RBFOX1: variants seen among roughly 807,000 people sequenced by gnomAD.
The protein encoded by RBFOX1 is RNA binding fox-1 homolog 1.
Under a neutral mutation model 57.7 loss-of-function variants are expected in RBFOX1, and 8 were observed. The observed-to-expected ratio is 0.14, with a 90% CI of 0.08 to 0.25. The LOEUF (loss-of-function observed/expected upper bound fraction) is 0.25, where lower values mean the gene tolerates loss of function less well. Ranked by LOEUF, RBFOX1 falls within the 10% of genes least tolerant of loss-of-function variation. The probability of loss-of-function intolerance (pLI) is 1.00; values close to 1 mark genes in which losing one functional copy is unlikely to be tolerated. For synonymous variants in RBFOX1, 326 were observed against 222.4 expected (o/e 1.47, Z -4.15); for missense variants, 611 against 548.5 (o/e 1.11, Z -1.14).
intron 1 of RBFOX1, among the ~76,000 whole-genome samples, chr16:5,387,639 AT>A (rs1185727877): frequency 1.2e-4 from 18 of 152,338 alleles, no homozygotes; most frequent in African/African-American, 3.6e-4. Flanking sequence ...GGAGTTTGAG[AT>A]TCTCTGAGAG....
chr16:6,873,913 A>G (rs996936272), intron 3 of RBFOX1: 2 of 152,230 alleles, frequency 1.3e-5, no homozygotes, highest in African/African-American at 4.8e-5. Context: ...TCACTTTGGC[A>G]GCACATATAC....
Position 7,105,446 on chromosome 16 carries a change from C to T in RBFOX1, c.27+53348C>T, listed in dbSNP as rs996238000. On this transcript the variant is annotated intron_variant, in intron 4 of 15. Transcript: ENST00000550418. The stretch of plus-strand genomic sequence containing the variant: ...CCCATCACTCAAGCAGTATACACTG[C>T]ACCCAATTTGTAGTCTTTTATCCCT... Among the ~76,000 whole-genome samples the T allele has an allele frequency of 2.6e-5, 4 of 152,150 alleles. No individual in the cohort carries two copies. The East Asian group carries it at 5.8e-4, about 22-fold the overall frequency.
intron 3 of RBFOX1, among the ~76,000 whole-genome samples, chr16:5,733,772 C>A (rs917659727): frequency 1.3e-5 from 2 of 152,020 alleles, no homozygotes; most frequent in African/African-American, 4.8e-5. Context: ...CCCATTCTCA[C>A]CTTTTCTTCC....
At chr16:6,224,484 T>C (rs541219511) in intron 1 of RBFOX1, among the ~76,000 whole-genome samples, 4 of 152,302 alleles carry the variant, frequency 2.6e-5, no homozygotes, top group East Asian at 3.9e-4. Context: ...TGCTGGTCTA[T>C]GGACCACACT....
chr16:6,465,091 T>C (rs996510756), intron 2 of RBFOX1, among the ~76,000 whole-genome samples: 4 of 152,226 alleles, frequency 2.6e-5, no homozygotes, highest in Non-Finnish European at 1.5e-5. Flanking sequence ...TGGACACAAA[T>C]GTGTAAACAT....
At chr16:5,569,788 A>G (rs6500699) in intron 2 of RBFOX1, among the ~76,000 whole-genome samples, 136,020 of 151,966 alleles carry the variant, frequency 0.9, 60,972 homozygotes, top group East Asian at 1. Context: ...CTGCCGTGGG[A>G]ATATGACATA....
intron 4 of RBFOX1, among the ~76,000 whole-genome samples, chr16:5,930,974 A>G (rs2059043024): frequency 1.4e-5 from 2 of 147,436 alleles, no homozygotes; most frequent in South Asian, 4.4e-4. Flanking sequence ...GGATGGATGC[A>G]TGGATGGATG....
At chr16:7,402,841 C>T (rs1180883338) in intron 4 of RBFOX1, among the ~76,000 whole-genome samples, 1 of 152,062 alleles carries the variant, frequency 6.6e-6, no homozygotes, top group Non-Finnish European at 1.5e-5. Flanking sequence ...TCTGAGGGCA[C>T]CTGTAAGGGG....
intron 5 of RBFOX1, among the ~76,000 whole-genome samples, chr16:7,551,269 C>G (rs920845283): frequency 6.6e-6 from 1 of 152,036 alleles, no homozygotes; most frequent in Non-Finnish European, 1.5e-5. Context: ...CCAGAAACAA[C>G]TAAAGTTTAG....
rs1603623855 is a variant in RBFOX1, at chr16:6,788,348, C to T, written c.-16+133698C>T. Among the ~76,000 whole-genome samples, 3 of 152,104 alleles carry T rather than the reference C, an allele frequency of 2.0e-5. No homozygotes were observed. The South Asian group carries it at 6.2e-4, about 32-fold the overall frequency. On this transcript the variant is annotated intron_variant, in intron 3 of 15. Coordinates refer to ENST00000550418, the MANE Select transcript of RBFOX1 (RefSeq NM_018723.4). ...GTATTTTATTCAGGTTCAACACAAG[C>T]TGGTGAGGCATGTAACTACCTTGTA...
chr16:7,247,404 C>T (rs2094345923), intron 4 of RBFOX1, among the ~76,000 whole-genome samples: 1 of 152,102 alleles, frequency 6.6e-6, no homozygotes, highest in Non-Finnish European at 1.5e-5. Context: ...GCAAATACTC[C>T]TCTATGGTGA....
Position 7,445,663 on chromosome 16 carries a change from A to G in RBFOX1, c.28-72484A>G, listed in dbSNP as rs952401868. ...TGGTCTCTTAGAAATTCAAAATACAAGATCTACATGGTACCACAGTTTTTG... is the reference window on the plus strand; with the variant it reads ...TGGTCTCTTAGAAATTCAAAATACAGGATCTACATGGTACCACAGTTTTTG... On this transcript the variant is annotated intron_variant, in intron 4 of 15. Coordinates refer to ENST00000550418, the MANE Select transcript of RBFOX1 (RefSeq NM_018723.4). Among the ~76,000 whole-genome samples the G allele has an allele frequency of 3.3e-5, 5 of 152,334 alleles. No homozygotes were observed. The East Asian group carries it at 5.8e-4, about 18-fold the overall frequency.
intron 1 of RBFOX1, among the ~76,000 whole-genome samples, chr16:6,094,338 C>A (rs1039675918): frequency 6.6e-6 from 1 of 152,156 alleles, no homozygotes; most frequent in Non-Finnish European, 1.5e-5. Flanking sequence ...TATTCCATTT[C>A]TTTTGAACCC....
intron 3 of RBFOX1, among the ~76,000 whole-genome samples, chr16:7,036,536 T>A (rs187370382): frequency 5.9e-4 from 89 of 151,838 alleles, no homozygotes; most frequent in African/African-American, 2.0e-3. Context: ...GTACTAAAAT[T>A]AGAAAAATTA....
intron 1 of RBFOX1, among the ~76,000 whole-genome samples, chr16:5,432,307 G>T (rs955988442): frequency 1.2e-4 from 17 of 145,076 alleles, no homozygotes; most frequent in African/African-American, 1.6e-4. Context: ...AGGCCTCGCC[G>T]CAAGAAGCCT....
At chr16:6,574,673 C>T in intron 2 of RBFOX1, among the ~76,000 whole-genome samples, 1 of 132,610 alleles carries the variant, frequency 7.5e-6, no homozygotes, top group Non-Finnish European at 1.6e-5. Context: ...CGTGATCCGC[C>T]CGCCTCGGCC....
At chr16:7,493,576 T>TAGCGTC (rs1555513608) in intron 4 of RBFOX1, among the ~76,000 whole-genome samples, 2 of 151,780 alleles carry the variant, frequency 1.3e-5, no homozygotes, top group Admixed American at 1.3e-4. Context: ...CACAGAGGTG[T>TAGCGTC]AGAGTCAGAG....
At position 5,635,241 on chromosome 16, in the gene RBFOX1, C is replaced by T. The variant is rs542625443; in HGVS notation, c.318+36280C>T. ...ATCTGACAAAAGTCTCAAGCTACTT[C>T]ATTCTATTGACCTCACTGAATAAAT... On this transcript the variant is annotated intron_variant, in intron 3 of 19. Transcript: ENST00000641259. 4.6e-5 allele frequency among the ~76,000 whole-genome samples: 7 copies of T among 152,338 alleles called. No homozygotes were observed. In the East Asian group the frequency reaches 1.4e-3, roughly 29 times the overall value.
chr16:6,484,350 C>T (rs142236044), intron 2 of RBFOX1, among the ~76,000 whole-genome samples: 61 of 152,264 alleles, frequency 4.0e-4, no homozygotes, highest in African/African-American at 1.1e-3. Context: ...CCACCATGCT[C>T]GTTGCGCTGG....
Sources: allele counts gnomAD v4.1 joint callset (sites outside exome capture counted in the v4.1 genomes callset), GRCh38; gene constraint gnomAD v4.1.1; transcripts MANE v1.5; gene names NCBI Gene and HGNC (gene_info 2026-07-23, HGNC 2026-07-21).